LRRC4C: variants seen among roughly 807,000 people sequenced by gnomAD.
The protein encoded by LRRC4C is leucine-rich repeat-containing protein 4C.
In LRRC4C, 5 loss-of-function variants were observed where a neutral mutation model predicts 33.6. The ratio of observed to expected loss-of-function variants is 0.15; its 90% CI spans 0.08 to 0.31. LRRC4C has a LOEUF of 0.31. Ranked by LOEUF, LRRC4C falls within the 10% of genes least tolerant of loss-of-function variation. LRRC4C has a pLI of 1.00. For synonymous variants in LRRC4C, 329 were observed against 302.0 expected, an observed-to-expected ratio of 1.09 and a Z score of -0.93; for missense variants, 560 against 796.7, an observed-to-expected ratio of 0.70 and a Z score of 3.58.
chr11:40,852,824 T>C (rs1953578352), intron 2 of LRRC4C, among the ~76,000 whole-genome samples: 1 of 152,214 alleles, frequency 6.6e-6, no homozygotes. Context: ...GGAAATTTTC[T>C]AGCACCAACA....
intron 2 of LRRC4C, among the ~76,000 whole-genome samples, chr11:40,875,709 T>C (rs922740439): frequency 1.3e-5 from 2 of 152,130 alleles, no homozygotes. Context: ...CCCAAACCTT[T>C]TTGGCTCCAG....
chr11:40,567,469 T>C (rs1957811498), intron 3 of LRRC4C, among the ~76,000 whole-genome samples: 1 of 152,152 alleles, frequency 6.6e-6, no homozygotes, highest in African/African-American at 2.4e-5. Flanking sequence ...ATTGCTCCAT[T>C]TTATAGCTAT....
intron 1 of LRRC4C, among the ~76,000 whole-genome samples, chr11:41,178,258 T>C (rs1164924171): frequency 2.0e-5 from 3 of 152,206 alleles, no homozygotes. Flanking sequence ...ACTAAATCCA[T>C]TGTTTCTTAA....
At chr11:40,497,542 A>G (rs1006365996) in intron 3 of LRRC4C, among the ~76,000 whole-genome samples, 18 of 152,218 alleles carry the variant, frequency 1.2e-4, no homozygotes, top group Non-Finnish European at 5.9e-5. Context: ...AAGACCACAT[A>G]ATCTAAAAAA....
At chr11:40,679,274 T>A (rs1220395520) in intron 2 of LRRC4C, among the ~76,000 whole-genome samples, 1 of 151,966 alleles carries the variant, frequency 6.6e-6, no homozygotes, top group African/African-American at 2.4e-5. Context: ...CCTTTTTTTT[T>A]AAAGGGAAAC....
At chr11:41,115,775 T>C (rs1942087318) in intron 1 of LRRC4C, among the ~76,000 whole-genome samples, 1 of 152,094 alleles carries the variant, frequency 6.6e-6, no homozygotes, top group African/African-American at 2.4e-5. Flanking sequence ...ACATTGTCCT[T>C]GTCAGTCTCC....
intron 2 of LRRC4C, among the ~76,000 whole-genome samples, chr11:40,665,338 ATATATATATATATATATATATATATG>A (rs1232010930): frequency 0.076 from 1,124 of 14,884 alleles, 32 homozygotes; most frequent in African/African-American, 0.17. Flanking sequence ...ATATATATAT[ATATATATATATATATATATATATATG>A]TATATATATA....
chr11:41,148,839 G>C (rs958974381), intron 1 of LRRC4C, among the ~76,000 whole-genome samples: 9 of 152,088 alleles, frequency 5.9e-5, no homozygotes, highest in Non-Finnish European at 1.0e-4. Flanking sequence ...AAAATTCTAT[G>C]TAAAATCCTG....
chr11:41,269,494 C>A (rs1173989081), intron 1 of LRRC4C, among the ~76,000 whole-genome samples: 1 of 151,906 alleles, frequency 6.6e-6, no homozygotes, highest in African/African-American at 2.4e-5. Flanking sequence ...GAGCAAAGAG[C>A]CAATCTAATT....
chr11:41,304,286 C>T (rs1443707140), intron 1 of LRRC4C, among the ~76,000 whole-genome samples: 8 of 120,366 alleles, frequency 6.6e-5, no homozygotes, highest in Non-Finnish European at 1.1e-4. Context: ...TCTGCCCGGC[C>T]GCCCCTACTG....
chr11:41,256,883 C>G (rs1948818187), intron 1 of LRRC4C, among the ~76,000 whole-genome samples: 1 of 152,014 alleles, frequency 6.6e-6, no homozygotes, highest in Admixed American at 6.6e-5. Context: ...GAACAGTACA[C>G]ATTATATATA....
At chr11:40,476,701 A>T (rs1054007179) in intron 3 of LRRC4C, among the ~76,000 whole-genome samples, 1 of 152,122 alleles carries the variant, frequency 6.6e-6, no homozygotes, top group Non-Finnish European at 1.5e-5. Context: ...TATGCTCTAG[A>T]ATAAGGGCTG....
At chr11:40,256,716 A>T (rs1867234571) in intron 4 of LRRC4C, among the ~76,000 whole-genome samples, 1 of 152,178 alleles carries the variant, frequency 6.6e-6, no homozygotes, top group Admixed American at 6.6e-5. Flanking sequence ...ATACTAAATG[A>T]TGTAGTATTC....
At chr11:41,167,681 A>G (rs79662587) in intron 1 of LRRC4C, among the ~76,000 whole-genome samples, 2,244 of 152,304 alleles carry the variant, frequency 0.015, 51 homozygotes, top group African/African-American at 0.051. Context: ...AATACAGAAA[A>G]GTGTCACCAA....
At chr11:41,158,387 A>T (rs1944324686) in intron 1 of LRRC4C, among the ~76,000 whole-genome samples, 1 of 152,114 alleles carries the variant, frequency 6.6e-6, no homozygotes, top group African/African-American at 2.4e-5. Context: ...GAAAACCACA[A>T]TTTAGCTCAA....
chr11:40,438,557 T>C (rs1565388301), intron 3 of LRRC4C, among the ~76,000 whole-genome samples: 1 of 152,166 alleles, frequency 6.6e-6, no homozygotes, highest in African/African-American at 2.4e-5. Context: ...TGGCTAATAG[T>C]GGACCCTCAG....
chr11:40,781,957 G>T (rs952371488), intron 2 of LRRC4C, among the ~76,000 whole-genome samples: 2 of 152,138 alleles, frequency 1.3e-5, no homozygotes, highest in African/African-American at 4.8e-5. Context: ...TACAAAAAAT[G>T]CCATTTGCAA....
At chr11:40,128,628 C>G (rs939620352) in intron 6 of LRRC4C, among the ~76,000 whole-genome samples, 3 of 152,156 alleles carry the variant, frequency 2.0e-5, no homozygotes, top group Admixed American at 6.5e-5. Context: ...GTCTCCAAGA[C>G]TCAGCCTGAC....
chr11:40,531,079 A>G (rs747647575), intron 3 of LRRC4C, among the ~76,000 whole-genome samples: 1 of 152,110 alleles, frequency 6.6e-6, no homozygotes, highest in Non-Finnish European at 1.5e-5. Flanking sequence ...GGTGACTTTA[A>G]TGTGTGTATA....
Sources: allele counts gnomAD v4.1 joint callset (sites outside exome capture counted in the v4.1 genomes callset), GRCh38; gene constraint gnomAD v4.1.1; transcripts MANE v1.5; gene names NCBI Gene and HGNC (gene_info 2026-07-23, HGNC 2026-07-21).